The following CSMD1 variants were observed in gnomAD, a reference collection of about 807,000 sequenced individuals.
CSMD1 encodes CUB and Sushi multiple domains 1, also known as CUB and sushi domain-containing protein 1.
In CSMD1, 213 loss-of-function variants were observed where a neutral mutation model predicts 417.5. That is an observed-to-expected ratio of 0.51 (90% CI 0.46 to 0.57). The LOEUF (loss-of-function observed/expected upper bound fraction) is 0.57, where lower values mean the gene tolerates loss of function less well. CSMD1 is among the 20% of genes least tolerant of loss of function. CSMD1 has a pLI of 0.00. For missense variants in CSMD1, 6,923 were observed against 4,529.7 expected (o/e 1.53, Z -15.17); for synonymous variants, 2,862 against 1,736.8 (o/e 1.65, Z -16.11).
intron 1 of CSMD1, among the ~76,000 whole-genome samples, chr8:4,750,191 T>A (rs1385047477): frequency 6.6e-6 from 1 of 151,856 alleles, no homozygotes; most frequent in Non-Finnish European, 1.5e-5. Flanking sequence ...GTATTTTTAG[T>A]AGAGACAGGG....
intron 15 of CSMD1, among the ~76,000 whole-genome samples, chr8:3,402,326 G>A (rs1812084810): frequency 6.6e-6 from 1 of 151,480 alleles, no homozygotes; most frequent in Non-Finnish European, 1.5e-5. Context: ...GTCATTTTTG[G>A]TATTTTATCT....
intron 2 of CSMD1, among the ~76,000 whole-genome samples, chr8:4,609,276 C>T (rs1801043834): frequency 6.6e-6 from 1 of 152,022 alleles, no homozygotes; most frequent in Admixed American, 6.6e-5. Flanking sequence ...TGGTGTGTGC[C>T]TTTGGTCCCA....
At chr8:4,258,971 TCTAA>T (rs1375189273) in intron 3 of CSMD1, among the ~76,000 whole-genome samples, 2 of 152,178 alleles carry the variant, frequency 1.3e-5, no homozygotes, top group East Asian at 1.9e-4. Flanking sequence ...TGTATAAATG[TCTAA>T]CTAAGACTTT....
At chr8:3,520,036 A>ATG (rs1797440743) in intron 10 of CSMD1, among the ~76,000 whole-genome samples, 4 of 147,806 alleles carry the variant, frequency 2.7e-5, no homozygotes, top group African/African-American at 1.0e-4. Flanking sequence ...ATATATATAT[A>ATG]TATACACGTA....
At chr8:3,978,122 A>G (rs551962741) in intron 5 of CSMD1, among the ~76,000 whole-genome samples, 1 of 152,238 alleles carries the variant, frequency 6.6e-6, no homozygotes, top group South Asian at 2.1e-4. Context: ...AACAAAACGA[A>G]AAGCAAGCCC....
chr8:3,217,888 G>A (rs565809951), intron 29 of CSMD1, among the ~76,000 whole-genome samples: 6 of 152,188 alleles, frequency 3.9e-5, no homozygotes, highest in South Asian at 2.1e-4. Context: ...ACTCAAAAGT[G>A]TAAATAAATA....
chr8:3,320,555 A>C (rs1563269276), intron 23 of CSMD1, among the ~76,000 whole-genome samples: 1 of 152,228 alleles, frequency 6.6e-6, no homozygotes, highest in Non-Finnish European at 1.5e-5. Context: ...AATACAAAGA[A>C]ATTGTCCCAC....
chr8:4,278,097 C>A lies in CSMD1; in HGVS notation c.415+141856G>T, dbSNP rs985252831. ...AATTAAAATGCTACATTTATAAAATCCTTTATGGTTCTCTTTCTCCTTATG... is the reference window on the plus strand; with the variant it reads ...AATTAAAATGCTACATTTATAAAATACTTTATGGTTCTCTTTCTCCTTATG... On this transcript the variant is annotated intron_variant, in intron 3 of 69. Transcript: ENST00000635120. 7.2e-5 allele frequency among the ~76,000 whole-genome samples: 11 copies of A among 152,246 alleles called. No homozygotes were observed. In the East Asian group the frequency reaches 1.4e-3, roughly 19 times the overall value.
intron 2 of CSMD1, among the ~76,000 whole-genome samples, chr8:4,582,389 G>C (rs1306624166): frequency 6.6e-6 from 1 of 152,182 alleles, no homozygotes; most frequent in African/African-American, 2.4e-5. Context: ...GGACAAAGGA[G>C]AGATTATCAG....
intron 6 of CSMD1, among the ~76,000 whole-genome samples, chr8:3,740,438 ATAGG>A (rs1389808517): frequency 6.6e-6 from 1 of 152,222 alleles, no homozygotes; most frequent in Admixed American, 6.5e-5. Flanking sequence ...GTACAGAAAA[ATAGG>A]TAGACTTTTG....
At chr8:2,970,983 T>G (rs1471019979) in intron 57 of CSMD1, among the ~76,000 whole-genome samples, 2 of 152,154 alleles carry the variant, frequency 1.3e-5, no homozygotes, top group South Asian at 4.1e-4. Context: ...GCTCACTTTT[T>G]CTCCCTCTGT....
intron 2 of CSMD1, among the ~76,000 whole-genome samples, chr8:4,420,993 G>T (rs1797220969): frequency 6.6e-6 from 1 of 152,042 alleles, no homozygotes; most frequent in Non-Finnish European, 1.5e-5. Flanking sequence ...ATTCATCTTT[G>T]TAAACTGCAG....
At chr8:4,019,515 G>A (rs1029686730) in intron 4 of CSMD1, among the ~76,000 whole-genome samples, 1 of 152,186 alleles carries the variant, frequency 6.6e-6, no homozygotes, top group Non-Finnish European at 1.5e-5. Context: ...GTGAAGTTTG[G>A]TGGTTACCCA....
intron 2 of CSMD1, among the ~76,000 whole-genome samples, chr8:4,427,908 A>G (rs1352362608): frequency 6.6e-6 from 1 of 152,148 alleles, no homozygotes; most frequent in Admixed American, 6.6e-5. Flanking sequence ...TAGGGCACAG[A>G]CTGCCCTTTA....
chr8:4,306,709 A>T (rs1798267522), intron 3 of CSMD1, among the ~76,000 whole-genome samples: 1 of 152,104 alleles, frequency 6.6e-6, no homozygotes, highest in Non-Finnish European at 1.5e-5. Flanking sequence ...ACGTCCTCAT[A>T]TAGTGAGCAG....
At chr8:4,871,609 AG>A (rs1241223433) in intron 1 of CSMD1, among the ~76,000 whole-genome samples, 1 of 152,136 alleles carries the variant, frequency 6.6e-6, no homozygotes, top group Non-Finnish European at 1.5e-5. Context: ...TTCATGAAAC[AG>A]TTGGAAAGCC....
chr8:3,288,565 A>G lies in CSMD1; in HGVS notation c.3951-4219T>C, dbSNP rs577061887. On this transcript the variant is annotated intron_variant, in intron 25 of 69. Coordinates refer to ENST00000635120, the MANE Select transcript of CSMD1 (RefSeq NM_033225.6). ...GTCGAAGAATTTATCCATTTCTTCT[A>G]GATTTTCTAGTTTATTTGCATAGAG... Among the ~76,000 whole-genome samples the G allele has an allele frequency of 4.7e-5, 7 of 147,506 alleles. 2 individuals carry two copies. Among genetic ancestry groups the G allele is most frequent in the African/African-American group, 1.9e-4 (7 of 37,312 alleles).
intron 2 of CSMD1, among the ~76,000 whole-genome samples, chr8:4,534,818 A>G (rs1797019260): frequency 6.6e-6 from 1 of 152,000 alleles, no homozygotes; most frequent in Admixed American, 6.6e-5. Context: ...GCTGGAGTGC[A>G]GTAGTGTGAT....
chr8:4,225,240 A>G (rs554971992), intron 3 of CSMD1, among the ~76,000 whole-genome samples: 18 of 152,238 alleles, frequency 1.2e-4, no homozygotes, highest in Non-Finnish European at 2.5e-4. Context: ...AAGGAGAATC[A>G]ATGACAAACC....
Sources: gnomAD v4.1 joint callset for allele counts (sites outside exome capture counted in the v4.1 genomes callset) on GRCh38, gnomAD v4.1.1 for gene constraint, MANE v1.5 for transcripts, NCBI Gene and HGNC (gene_info 2026-07-23, HGNC 2026-07-21) for gene names.